MIR2052HG: variants seen among roughly 807,000 people sequenced by gnomAD.
The protein encoded by MIR2052HG is MIR2052 host gene.
intron 1 of MIR2052HG, chr8:74,610,040 C>G (rs1808170217): frequency 6.6e-6 from 1 of 151,614 alleles, no homozygotes; most frequent in African/African-American, 2.4e-5. Flanking sequence ...GCACCAACTA[C>G]CTGTAATGGA....
chr8:74,642,060 CATATT>C (rs1808644307), intron 2 of MIR2052HG, among the ~76,000 whole-genome samples: 1 of 151,942 alleles, frequency 6.6e-6, no homozygotes, highest in African/African-American at 2.4e-5. Flanking sequence ...ATGTTCTATT[CATATT>C]ATATTATTTA....
chr8:74,740,368 G>A (rs1462857035), intron 4 of MIR2052HG, among the ~76,000 whole-genome samples: 1 of 152,108 alleles, frequency 6.6e-6, no homozygotes, highest in Non-Finnish European at 1.5e-5. Flanking sequence ...GGAGGCTGAG[G>A]CAGGAGAATT....
intron 2 of MIR2052HG, among the ~76,000 whole-genome samples, chr8:74,678,434 G>A (rs1432288697): frequency 6.6e-6 from 1 of 151,716 alleles, no homozygotes; most frequent in Non-Finnish European, 1.5e-5. Flanking sequence ...GTAGTGGCAG[G>A]CGCCTGTAAT....
intron 1 of MIR2052HG, among the ~76,000 whole-genome samples, chr8:74,609,145 G>T (rs914931049): frequency 6.6e-6 from 1 of 151,688 alleles, no homozygotes; most frequent in Admixed American, 6.6e-5. Flanking sequence ...GATATTAAGA[G>T]GATAATAACA....
At chr8:74,670,045 G>A (rs571189972) in intron 2 of MIR2052HG, among the ~76,000 whole-genome samples, 7 of 152,212 alleles carry the variant, frequency 4.6e-5, no homozygotes, top group Admixed American at 3.9e-4. Flanking sequence ...TCTCTACCAC[G>A]TGAGCACACA....
intron 4 of MIR2052HG, among the ~76,000 whole-genome samples, chr8:74,732,717 G>A (rs1055074793): frequency 6.6e-6 from 1 of 152,142 alleles, no homozygotes; most frequent in Non-Finnish European, 1.5e-5. Context: ...CCTGAATAAG[G>A]TAAAGGACTG....
At chr8:74,687,961 G>A (rs920702351) in intron 2 of MIR2052HG, among the ~76,000 whole-genome samples, 4 of 152,134 alleles carry the variant, frequency 2.6e-5, no homozygotes, top group Admixed American at 2.6e-4. Flanking sequence ...CACATCAAAT[G>A]TGTGCAGGTC....
intron 2 of MIR2052HG, among the ~76,000 whole-genome samples, chr8:74,653,596 A>G (rs1373029812): frequency 2.0e-5 from 3 of 152,162 alleles, no homozygotes; most frequent in Non-Finnish European, 2.9e-5. Context: ...TGAGTGTTTT[A>G]TAGCACATAG....
intron 2 of MIR2052HG, among the ~76,000 whole-genome samples, chr8:74,617,431 T>C (rs916900414): frequency 2.7e-5 from 4 of 150,754 alleles, no homozygotes; most frequent in Non-Finnish European, 5.9e-5. Context: ...TTCATTATTT[T>C]TTATGGCTAA....
chr8:74,748,691 G>A (rs1044424884), intron 4 of MIR2052HG, among the ~76,000 whole-genome samples: 1 of 152,164 alleles, frequency 6.6e-6, no homozygotes, highest in African/African-American at 2.4e-5. Flanking sequence ...AGACTGCCCA[G>A]AGAGGGTTTC....
intron 5 of MIR2052HG, among the ~76,000 whole-genome samples, chr8:74,753,602 A>G (rs754413845): frequency 2.6e-5 from 4 of 152,014 alleles, no homozygotes; most frequent in Admixed American, 1.3e-4. Flanking sequence ...ACATCTCTCT[A>G]TATTTCCCAC....
chr8:74,649,117 G>A (rs556417612), intron 2 of MIR2052HG, among the ~76,000 whole-genome samples: 13 of 151,988 alleles, frequency 8.6e-5, no homozygotes, highest in East Asian at 5.8e-4. Flanking sequence ...GATGTTTGTG[G>A]CTTAGCTCGA....
At chr8:74,691,983 A>G (rs1809243892) in intron 2 of MIR2052HG, among the ~76,000 whole-genome samples, 1 of 152,210 alleles carries the variant, frequency 6.6e-6, no homozygotes, top group African/African-American at 2.4e-5. Context: ...CTTTAAAGCA[A>G]TAGCCATACA....
chr8:74,623,580 T>C (rs564450724), intron 2 of MIR2052HG, among the ~76,000 whole-genome samples: 1 of 152,362 alleles, frequency 6.6e-6, no homozygotes, highest in African/African-American at 2.4e-5. Context: ...AAAGGTCTTT[T>C]AGGACTTTTT....
At chr8:74,710,412 T>G (rs748559533) in intron 4 of MIR2052HG, among the ~76,000 whole-genome samples, 3 of 152,186 alleles carry the variant, frequency 2.0e-5, no homozygotes, top group Non-Finnish European at 4.4e-5. Flanking sequence ...GTGAGGCAAC[T>G]TGGGGATTTT....
At chr8:74,743,770 A>G (rs945869333) in intron 4 of MIR2052HG, among the ~76,000 whole-genome samples, 9 of 152,134 alleles carry the variant, frequency 5.9e-5, no homozygotes, top group African/African-American at 2.2e-4. Flanking sequence ...CATCACTGAA[A>G]TTCCCCAGCA....
intron 2 of MIR2052HG, among the ~76,000 whole-genome samples, chr8:74,650,594 G>T (rs1354521154): frequency 6.6e-6 from 1 of 152,138 alleles, no homozygotes; most frequent in Non-Finnish European, 1.5e-5. Flanking sequence ...CGATAGATGA[G>T]TATGGTGTGG....
rs1188304278 is a variant in MIR2052HG at position 74,730,648 on chromosome 8, C to A, written n.372-21793C>A. Among the ~76,000 whole-genome samples the A allele has an allele frequency of 2.0e-5, 3 of 152,074 alleles. No homozygotes were observed. The East Asian group carries it at 5.8e-4, about 29-fold the overall frequency. The stretch of plus-strand genomic sequence containing the variant: ...TGGGTAGGAGTAGATATTGGCATAA[C>A]TGTTTTGGAAGGCAACTTAATGTTT... On this transcript the variant is annotated intron_variant and non_coding_transcript_variant, in intron 4 of 6. Coordinates refer to ENST00000523442, the Ensembl canonical transcript of MIR2052HG.
At chr8:74,672,494 A>C (rs1259500588) in intron 2 of MIR2052HG, among the ~76,000 whole-genome samples, 2 of 152,068 alleles carry the variant, frequency 1.3e-5, no homozygotes, top group Non-Finnish European at 2.9e-5. Flanking sequence ...ATGATAGTTA[A>C]ATTTGTCCAA....
Sources: gnomAD v4.1 joint callset for allele counts (sites outside exome capture counted in the v4.1 genomes callset) on GRCh38, gnomAD v4.1.1 for gene constraint, MANE v1.5 for transcripts, NCBI Gene and HGNC (gene_info 2026-07-23, HGNC 2026-07-21) for gene names.